Variants in CFAP46 observed in about 807,000 individuals in gnomAD.
CFAP46 encodes the protein cilia and flagella associated protein 46.
Under a neutral mutation model 325.7 loss-of-function variants are expected in CFAP46, and 245 were observed. That is an observed-to-expected ratio of 0.75 (90% CI 0.68 to 0.84). The LOEUF (loss-of-function observed/expected upper bound fraction) is 0.84. Ranked by LOEUF, CFAP46 falls within the 40% of genes least tolerant of loss-of-function variation. The pLI is 0.00. For synonymous variants in CFAP46, 1,523 were observed against 1,495.9 expected, an observed-to-expected ratio of 1.02 and a Z score of -0.42; for missense variants, 3,346 against 3,543.0, an observed-to-expected ratio of 0.94 and a Z score of 1.41.
chr10:132,921,235 G>C (rs1849718467), intron 13 of CFAP46, among the ~76,000 whole-genome samples: 1 of 152,194 alleles, frequency 6.6e-6, no homozygotes. Flanking sequence ...TGAGCTGGAG[G>C]GAGGCCTGGC....
intron 33 of CFAP46, among the ~76,000 whole-genome samples, chr10:132,868,804 G>A (rs1157722258): frequency 2.0e-5 from 3 of 152,226 alleles, no homozygotes; most frequent in Non-Finnish European, 4.4e-5. Flanking sequence ...TAGCACAGAA[G>A]TATTTCTGAG....
At chr10:132,810,569 C>T in intron 56 of CFAP46, 80 bp from the exon 57 acceptor site, 2 of 1,261,116 alleles carry the variant, frequency 1.6e-6, no homozygotes, top group Admixed American at 3.4e-5. Flanking sequence ...GCCCGGGATG[C>T]CAGGGGCCCA....
intron 25 of CFAP46, among the ~76,000 whole-genome samples, chr10:132,888,789 G>A: frequency 1.4e-5 from 1 of 72,634 alleles, no homozygotes; most frequent in Admixed American, 1.3e-4. Flanking sequence ...CTTCACCCCT[G>A]CCGCCTGCAC....
chr10:132,885,020 C>A, intron 27 of CFAP46, 83 bp downstream of exon 27: 1 of 1,412,620 alleles, frequency 7.1e-7, no homozygotes, highest in South Asian at 1.5e-5. Context: ...ACACCAGGTC[C>A]CTGCTGAGCT....
In CFAP46 at chr10:132,812,781, T is replaced by C; in HGVS notation, c.7501+4A>G. On this transcript the variant is annotated splice_donor_region_variant and intron_variant, in intron 55 of 57. Coordinates refer to ENST00000368586, the MANE Select transcript of CFAP46 (RefSeq NM_001200049.3). ...GGAGGGGGTGCTGAGAGGACACCTC[T>C]CACCTTGCAAGTTCATGGCGACCAA... 6.2e-7 allele frequency: 1 copy of C among 1,608,160 alleles called. No homozygotes were observed. The highest frequency in any genetic ancestry group is 8.5e-7 in the Non-Finnish European group (1 of 1,176,378).
At chr10:132,839,631 A>T (rs1007164990) in intron 44 of CFAP46, among the ~76,000 whole-genome samples, 1 of 152,220 alleles carries the variant, frequency 6.6e-6, no homozygotes, top group African/African-American at 2.4e-5. Flanking sequence ...ACCATTAAAT[A>T]TGATGCATGC....
rs1848196537 is a variant in CFAP46 at position 132,834,047 on chromosome 10, G to A, written c.6943C>T (p.Gln2315Ter). Residue 2315 changes from glutamine to a stop codon, truncating the protein, a stop_gained, in exon 49 of 58, where the codon CAA becomes TAA. Coordinates refer to ENST00000368586, the MANE Select transcript of CFAP46 (RefSeq NM_001200049.3). LOFTEE classifies it high-confidence loss of function. ...KDKERKTSTG[Q>*]HSTVQPEVAD... The stretch of plus-strand genomic sequence containing the variant: ...CCACGCCCGCCCCACTCACTGTGTT[G>A]TCCTGTGGACGTTTTCCTCTCCTTG... The A allele has an allele frequency of 1.2e-6, 2 of 1,613,830 alleles. No homozygotes were observed. Among genetic ancestry groups the A allele is most frequent in the African/African-American group, 1.3e-5 (1 of 74,942 alleles).
intron 29 of CFAP46, among the ~76,000 whole-genome samples, chr10:132,878,900 C>T (rs1459397348): frequency 6.6e-6 from 1 of 152,162 alleles, no homozygotes; most frequent in African/African-American, 2.4e-5. Context: ...CGGGGAGGCC[C>T]CCGACAGCTG....
rs183891013 is a variant in CFAP46, at chr10:132,926,406, A to T, written c.1065+162T>A. Among the ~76,000 whole-genome samples, 1,045 of 151,856 alleles carry T rather than the reference A, an allele frequency of 6.9e-3. 10 individuals are homozygous for T. Among genetic ancestry groups the T allele is most frequent in the Non-Finnish European group, 0.011 (767 of 67,860 alleles). ...CGCAGGACAGGGAGTGTGGCACTGG[A>T]GGCTGGACTCACACCCGCTGTCACG... On this transcript the variant is annotated intron_variant, in intron 10 of 57. Coordinates refer to ENST00000368586, the MANE Select transcript of CFAP46 (RefSeq NM_001200049.3).
In CFAP46 at chr10:132,912,836, G is replaced by C; in HGVS notation, c.2334-16C>G. ...CACGGGGTCCCTGGGAGACATGCTT[G>C]TCAGAGGGAACCTTGGCCCCCGCAG... On this transcript the variant is annotated splice_polypyrimidine_tract_variant and intron_variant, in intron 18 of 57. Transcript: ENST00000368586. 6.5e-7 allele frequency: 1 copy of C among 1,546,276 alleles called. No homozygotes were observed. Among genetic ancestry groups the C allele is most frequent in the Non-Finnish European group, 8.7e-7 (1 of 1,146,342 alleles).
chr10:132,829,181 C>A (rs1564769738), intron 50 of CFAP46, among the ~76,000 whole-genome samples: 1 of 151,064 alleles, frequency 6.6e-6, no homozygotes, highest in East Asian at 1.9e-4. Flanking sequence ...CAATATTGGG[C>A]CTTCTCATCT....
At chr10:132,873,924 T>G (rs904425639) in intron 31 of CFAP46, among the ~76,000 whole-genome samples, 12 of 152,096 alleles carry the variant, frequency 7.9e-5, no homozygotes, top group African/African-American at 2.9e-4. Flanking sequence ...ACACAACCTA[T>G]GAAAACTGTT....
intron 44 of CFAP46, among the ~76,000 whole-genome samples, chr10:132,842,069 A>G (rs1848354452): frequency 6.6e-6 from 1 of 152,224 alleles, no homozygotes; most frequent in Non-Finnish European, 1.5e-5. Flanking sequence ...TGGCCAGGCT[A>G]AGAGCTTCCA....
In CFAP46 at chr10:132,820,583, G is replaced by A. The variant is rs867800886; in HGVS notation, c.7118-5669C>T. 3.4e-5 allele frequency among the ~76,000 whole-genome samples: 5 copies of A among 147,094 alleles called. No homozygotes were observed. The East Asian group carries it at 6.1e-4, about 18-fold the overall frequency. ...TGATGTGTGCTGTGTGTGCGCTGAT[G>A]TGTGCTGTGTGAGCACTGATGTGTG... On this transcript the variant is annotated intron_variant, in intron 50 of 57. Coordinates refer to ENST00000368586, the MANE Select transcript of CFAP46 (RefSeq NM_001200049.3).
At chr10:132,822,669 TTG>T (rs1290719572) in intron 50 of CFAP46, among the ~76,000 whole-genome samples, 2 of 130,224 alleles carry the variant, frequency 1.5e-5, no homozygotes, top group African/African-American at 5.9e-5. Flanking sequence ...GTGTGTGCGC[TTG>T]TGTGTGCTGT....
chr10:132,837,840 C>T (rs1334390441), intron 44 of CFAP46, among the ~76,000 whole-genome samples: 1 of 145,872 alleles, frequency 6.9e-6, no homozygotes, highest in African/African-American at 2.6e-5. Flanking sequence ...CAGACATGCA[C>T]GGACACACAC....
In CFAP46 at chr10:132,822,821, G is replaced by GATGTGTGC. The variant is rs1437803084; in HGVS notation, c.7118-7908_7118-7907insGCACACAT. Among the ~76,000 whole-genome samples, 786 of 126,076 alleles carry GATGTGTGC rather than the reference G, an allele frequency of 6.2e-3. 25 individuals carry two copies. The highest frequency in any genetic ancestry group is 0.022 in the African/African-American group (732 of 33,702). 82.7% of individuals were successfully genotyped at this position (126,076 alleles called of 152,430 possible). ...TGTGTGCTGATGTGTGCTGTGTGCTGTGTGTGCTGATGTGTGCTGATGTGT... is the reference window on the plus strand; with the variant it reads ...TGTGTGCTGATGTGTGCTGTGTGCTGATGTGTGCTGTGTGCTGATGTGTGCTGATGTGT... On this transcript the variant is annotated intron_variant, in intron 50 of 57. Coordinates refer to ENST00000368586, the MANE Select transcript of CFAP46 (RefSeq NM_001200049.3).
intron 4 of CFAP46, 60 bp from the exon 5 acceptor site, chr10:132,938,813 G>A: frequency 6.5e-7 from 1 of 1,530,384 alleles, no homozygotes; most frequent in South Asian, 1.2e-5. Context: ...CCAAGCTGCA[G>A]AACCAAGGGG....
chr10:132,908,020 C>A (rs551496147), intron 22 of CFAP46, among the ~76,000 whole-genome samples: 1 of 152,260 alleles, frequency 6.6e-6, no homozygotes. Context: ...GAGGCCCCCC[C>A]TTTCTGTGCC....
Sources: gnomAD v4.1 joint callset for allele counts (sites outside exome capture counted in the v4.1 genomes callset) on GRCh38, gnomAD v4.1.1 for gene constraint, MANE v1.5 for transcripts, NCBI Gene and HGNC (gene_info 2026-07-23, HGNC 2026-07-21) for gene names.